The following RAB7A variants were observed in gnomAD, a reference collection of about 807,000 sequenced individuals.
The protein encoded by RAB7A is RAB7A, member RAS oncogene family, also known as ras-related protein Rab-7a.
Under a neutral mutation model 24.5 loss-of-function variants are expected in RAB7A, and 2 were observed. The observed-to-expected ratio is 0.08, with a 90% CI of 0.03 to 0.26. The LOEUF (loss-of-function observed/expected upper bound fraction) is 0.26. Ranked by LOEUF, RAB7A falls within the 10% of genes least tolerant of loss-of-function variation. The pLI is 1.00. For missense variants in RAB7A, 118 were observed against 255.7 expected, an observed-to-expected ratio of 0.46 and a Z score of 3.67; for synonymous variants, 100 against 95.9, an observed-to-expected ratio of 1.04 and a Z score of -0.25.
At chr3:128,747,577 A>C (rs767286915) in intron 1 of RAB7A, among the ~76,000 whole-genome samples, 2 of 151,308 alleles carry the variant, frequency 1.3e-5, no homozygotes, top group Non-Finnish European at 2.9e-5. Flanking sequence ...GAAGAGCAAA[A>C]CTCCATGAAA....
At chr3:128,751,834 C>A (rs1183273665) in intron 1 of RAB7A, among the ~76,000 whole-genome samples, 1 of 152,142 alleles carries the variant, frequency 6.6e-6, no homozygotes, top group East Asian at 1.9e-4. Context: ...ATGGGAGGGA[C>A]CCAGTGGGAG....
rs1303206055 is a variant in RAB7A at position 128,814,744 on chromosome 3, GTTC to G, written c.*1327_*1329del. ...GTCTACATTCTAGGGTGTGGGCTGA[GTTC>G]TTCTGTAAAGAGATGAACGCAATGC... is the stretch of plus-strand genomic sequence containing the variant. On this transcript the variant is annotated 3_prime_UTR_variant, in exon 6 of 6. Coordinates refer to ENST00000265062, the MANE Select transcript of RAB7A (RefSeq NM_004637.6). 1 of 152,654 alleles carries G rather than the reference GTTC, an allele frequency of 6.6e-6. No individual in the cohort carries two copies. Among genetic ancestry groups the G allele is most frequent in the Non-Finnish European group, 1.5e-5 (1 of 68,048 alleles). The allele number at this position is 152,654 out of a possible 1,614,324, so 9.5% of individuals were successfully genotyped here.
intron 1 of RAB7A, among the ~76,000 whole-genome samples, chr3:128,741,770 G>A (rs2070556562): frequency 6.6e-6 from 1 of 152,168 alleles, no homozygotes; most frequent in South Asian, 2.1e-4. Flanking sequence ...TGTTTTATAC[G>A]TATATACACA....
In RAB7A at chr3:128,749,539, T is replaced by G. The variant is rs1056835886; in HGVS notation, c.-9+23180T>G. The G allele has an allele frequency of 5.9e-5, 9 of 152,238 alleles. No homozygotes were observed. In the East Asian group the frequency reaches 1.7e-3, roughly 29 times the overall value. 9.4% of individuals were successfully genotyped at this position (152,238 alleles called of 1,614,324 possible). Reference sequence around the variant, plus strand: ...AGGTGAGACCCTGCTACATGGTGACTGATATGGTTTGGCTGTGTCCCCACC... The same window carrying G: ...AGGTGAGACCCTGCTACATGGTGACGGATATGGTTTGGCTGTGTCCCCACC... On this transcript the variant is annotated intron_variant, in intron 1 of 5. Transcript: ENST00000265062.
At position 128,764,662 on chromosome 3, in the gene RAB7A, T is replaced by A. The variant is rs569330485; in HGVS notation, c.-8-30698T>A. On this transcript the variant is annotated intron_variant, in intron 1 of 5. Coordinates refer to ENST00000265062, the MANE Select transcript of RAB7A (RefSeq NM_004637.6). ...GTCATTTTTGTCAGTGGCTAGTTTG[T>A]GCAGTTCCAATAGTGACTGATTCAC... is the stretch of plus-strand genomic sequence containing the variant. The A allele has an allele frequency of 2.0e-5, 18 of 896,230 alleles. No individual in the cohort carries two copies. In the East Asian group the frequency reaches 4.1e-4, roughly 20 times the overall value. The allele number at this position is 896,230 out of a possible 1,614,324, so 55.5% of individuals were successfully genotyped here. A position where few individuals can be genotyped will look rare whatever the true frequency, so the allele number is the denominator to read the frequency against.
chr3:128,736,462 A>G (rs1252017859), intron 1 of RAB7A, among the ~76,000 whole-genome samples: 1 of 152,134 alleles, frequency 6.6e-6, no homozygotes, highest in Non-Finnish European at 1.5e-5. Flanking sequence ...TGCTGTAGTA[A>G]CCAATAACCT....
At chr3:128,798,163 C>A in intron 3 of RAB7A, 94 bp downstream of exon 3, 2 of 1,485,388 alleles carry the variant, frequency 1.3e-6, no homozygotes, top group East Asian at 2.3e-5. Context: ...CCCTGTTCTT[C>A]AAATCTTATT....
At chr3:128,801,027 A>G (rs1933687512) in intron 3 of RAB7A, among the ~76,000 whole-genome samples, 1 of 152,216 alleles carries the variant, frequency 6.6e-6, no homozygotes, top group African/African-American at 2.4e-5. Context: ...CTTGCAGTAA[A>G]ACATAATCAA....
At chr3:128,799,509 T>G (rs2107612831) in intron 3 of RAB7A, among the ~76,000 whole-genome samples, 1 of 152,318 alleles carries the variant, frequency 6.6e-6, no homozygotes, top group African/African-American at 2.4e-5. Flanking sequence ...GTGTGAATGA[T>G]GTAGGTTAAA....
intron 4 of RAB7A, 115 bp downstream of exon 4, chr3:128,806,705 T>A: frequency 9.3e-7 from 1 of 1,074,760 alleles, no homozygotes; most frequent in Non-Finnish European, 1.4e-6. Context: ...GTGGGAGTCT[T>A]CATTACCATA....
chr3:128,744,673 C>G (rs2070591299), intron 1 of RAB7A, among the ~76,000 whole-genome samples: 1 of 152,086 alleles, frequency 6.6e-6, no homozygotes, highest in African/African-American at 2.4e-5. Context: ...TATTGTGGAC[C>G]TTTTGGCCCA....
intron 1 of RAB7A, among the ~76,000 whole-genome samples, chr3:128,793,199 A>ATT (rs35968471): frequency 0.32 from 48,683 of 151,746 alleles, 10,274 homozygotes; most frequent in African/African-American, 0.6. Context: ...AATTTTTCAT[A>ATT]TTTAGTAGAG....
intron 1 of RAB7A, among the ~76,000 whole-genome samples, chr3:128,788,432 A>T (rs1449175265): frequency 6.6e-6 from 1 of 150,716 alleles, no homozygotes; most frequent in African/African-American, 2.4e-5. Context: ...TAAAAGCCAC[A>T]GTATATGATG....
intron 1 of RAB7A, among the ~76,000 whole-genome samples, chr3:128,734,553 C>T (rs2070471776): frequency 6.6e-6 from 1 of 151,788 alleles, no homozygotes; most frequent in Admixed American, 6.6e-5. Flanking sequence ...TTGCCCATAG[C>T]TTACTTTTAT....
At position 128,813,800 on chromosome 3, in the gene RAB7A, G is replaced by C. The variant is rs1467486517; in HGVS notation, c.*378G>C. 39 of 318,876 alleles carry C rather than the reference G, an allele frequency of 1.2e-4. No homozygotes were observed. The East Asian group carries it at 3.0e-3, about 25-fold the overall frequency. 19.8% of individuals were successfully genotyped at this position (318,876 alleles called of 1,614,324 possible). On this transcript the variant is annotated 3_prime_UTR_variant, in exon 6 of 6. Transcript: ENST00000265062. ...CTGGAGAGAGAGAGAACTGTTTACAGTTAATCTGTGTCTAATTATCTGATT... is the reference window on the plus strand; with the variant it reads ...CTGGAGAGAGAGAGAACTGTTTACACTTAATCTGTGTCTAATTATCTGATT...
At position 128,813,852 on chromosome 3, in the gene RAB7A, AC is replaced by A. The variant is rs1189120210; in HGVS notation, c.*437del. 2 of 240,794 alleles carry A rather than the reference AC, an allele frequency of 8.3e-6. No homozygotes were observed. Among genetic ancestry groups the A allele is most frequent in the Non-Finnish European group, 1.7e-5 (2 of 118,538 alleles). 14.9% of individuals were successfully genotyped at this position (240,794 alleles called of 1,614,324 possible). A position where few individuals can be genotyped will look rare whatever the true frequency, so the allele number is the denominator to read the frequency against. ...TTTTTATTGGTCTTGTGGTCTTTTTACCCCCCCTTTCCCCTCCCTCCTTGAA... is the reference window on the plus strand; with the variant it reads ...TTTTTATTGGTCTTGTGGTCTTTTTACCCCCCTTTCCCCTCCCTCCTTGAA... On this transcript the variant is annotated 3_prime_UTR_variant, in exon 6 of 6. Transcript: ENST00000265062.
At chr3:128,753,895 T>C (rs1290924288) in intron 1 of RAB7A, among the ~76,000 whole-genome samples, 3 of 152,078 alleles carry the variant, frequency 2.0e-5, no homozygotes, top group Non-Finnish European at 4.4e-5. Context: ...TGCTTGGGCC[T>C]CAAAAGTGCT....
At chr3:128,771,704 C>T (rs965956831) in intron 1 of RAB7A, among the ~76,000 whole-genome samples, 1 of 152,180 alleles carries the variant, frequency 6.6e-6, no homozygotes, top group Non-Finnish European at 1.5e-5. Context: ...ATAGTAATTG[C>T]GGTTTTTGCA....
rs187732627 is a variant in RAB7A, at chr3:128,771,417, G to A, written c.-8-23943G>A. On this transcript the variant is annotated intron_variant, in intron 1 of 5. Coordinates refer to ENST00000265062, the MANE Select transcript of RAB7A (RefSeq NM_004637.6). ...CTGTGAGCTGGAGAATGTTGTAGCA[G>A]GTTAATAAGGGGCTTACTCCATTTT... is the stretch of plus-strand genomic sequence containing the variant. 2.0e-5 allele frequency among the ~76,000 whole-genome samples: 3 copies of A among 152,310 alleles called. No individual in the cohort carries two copies. In the East Asian group the frequency reaches 5.8e-4, roughly 29 times the overall value.
Sources: allele counts gnomAD v4.1 joint callset (sites outside exome capture counted in the v4.1 genomes callset), GRCh38; gene constraint gnomAD v4.1.1; transcripts MANE v1.5; gene names NCBI Gene and HGNC (gene_info 2026-07-23, HGNC 2026-07-21).